The following IFNGR1 variants were observed in gnomAD, a reference collection of about 807,000 sequenced individuals.
IFNGR1 encodes the protein AVP, type 2.
Under a neutral mutation model 35.4 loss-of-function variants are expected in IFNGR1, and 23 were observed. The observed-to-expected ratio is 0.65, with a 90% CI of 0.47 to 0.92. The LOEUF is 0.92. Ranked by LOEUF, IFNGR1 falls within the 40% of genes least tolerant of loss-of-function variation. The pLI, the probability that IFNGR1 is intolerant of heterozygous loss-of-function variation, is 0.00. For synonymous variants in IFNGR1, 199 were observed against 209.5 expected, an observed-to-expected ratio of 0.95 and a Z score of 0.43; for missense variants, 533 against 583.4, an observed-to-expected ratio of 0.91 and a Z score of 0.89.
At chr6:137,212,065 G>A (rs538367942) in intron 1 of IFNGR1, among the ~76,000 whole-genome samples, 11 of 152,000 alleles carry the variant, frequency 7.2e-5, no homozygotes, top group Non-Finnish European at 1.2e-4. Context: ...ACTATAAGAC[G>A]CAAGAAGAAA....
rs1016926854 is a variant in IFNGR1, at chr6:137,204,901, A to C, written c.374-397T>G. Among the ~76,000 whole-genome samples the C allele has an allele frequency of 5.9e-5, 9 of 152,330 alleles. No individual in the cohort carries two copies. The South Asian group carries it at 1.9e-3, about 32-fold the overall frequency. On this transcript the variant is annotated intron_variant, in intron 3 of 6. Coordinates refer to ENST00000367739, the MANE Select transcript of IFNGR1 (RefSeq NM_000416.3). ...TAAAAAACGTTTCAGAAATGGCATT[A>C]GTTTTCTTCCCTCATCAAAACTCTT...
chr6:137,200,371 C>G (rs371785700), intron 6 of IFNGR1, among the ~76,000 whole-genome samples: 1 of 152,142 alleles, frequency 6.6e-6, no homozygotes, highest in Non-Finnish European at 1.5e-5. Flanking sequence ...TTTTGGCCAA[C>G]TTTCCTTTCA....
intron 6 of IFNGR1, among the ~76,000 whole-genome samples, chr6:137,199,297 A>G (rs1033667915): frequency 3.7e-5 from 5 of 135,490 alleles, no homozygotes; most frequent in African/African-American, 1.4e-4. Context: ...TATGAAAAAT[A>G]TAATTAATAT....
At chr6:137,216,095 T>A (rs1218814702) in intron 1 of IFNGR1, among the ~76,000 whole-genome samples, 1 of 152,234 alleles carries the variant, frequency 6.6e-6, no homozygotes, top group South Asian at 2.1e-4. Flanking sequence ...TTTAATACCC[T>A]ATTCAATAAA....
rs587776855 is a variant in IFNGR1 at position 137,206,962 on chromosome 6, C to T, written c.200+1G>A. 6.3e-7 allele frequency: 1 copy of T among 1,594,594 alleles called. No homozygotes were observed. The highest frequency in any genetic ancestry group is 8.6e-7 in the Non-Finnish European group (1 of 1,162,334). ...AGGATAAATAAAAGAGTGACACTCA[C>T]CCATAGTTCTTTACCTCTACGGTAA... is the stretch of plus-strand genomic sequence containing the variant. On this transcript the variant is annotated splice_donor_variant, in intron 2 of 6. Transcript: ENST00000367739. LOFTEE classifies it high-confidence loss of function.
chr6:137,213,149 G>A (rs189711421), intron 1 of IFNGR1, among the ~76,000 whole-genome samples: 35 of 152,136 alleles, frequency 2.3e-4, no homozygotes, highest in African/African-American at 8.0e-4. Context: ...ATTAATTAAG[G>A]CTTACAATTA....
intron 1 of IFNGR1, among the ~76,000 whole-genome samples, chr6:137,207,925 G>C (rs1228060497): frequency 6.6e-6 from 1 of 152,152 alleles, no homozygotes; most frequent in African/African-American, 2.4e-5. Context: ...AGAAGAAATA[G>C]GAAAATGTTT....
rs1273888178 is a variant in IFNGR1, at chr6:137,219,259, A to G, written c.69T>C (p.Asp23=). Reference sequence around the variant, plus strand: ...CGACGGTACCTGAGGACGGCCCCAGATCCGCGGTGCCCATCTCAGCCCTGC... The same window carrying G: ...CGACGGTACCTGAGGACGGCCCCAGGTCCGCGGTGCCCATCTCAGCCCTGC... The part of the protein sequence containing the change: ...GVSRAEMGTA[D]LGPSSVPTPT... The change falls in exon 1 of 7, where the codon GAT becomes GAC. Residue 23 remains aspartate, a synonymous_variant. Transcript: ENST00000367739. 1.2e-6 allele frequency: 2 copies of G among 1,611,134 alleles called. No homozygotes were observed. Among genetic ancestry groups the G allele is most frequent in the African/African-American group, 1.3e-5 (1 of 74,886 alleles).
chr6:137,215,216 A>T, intron 1 of IFNGR1: 1 of 1,531,490 alleles, frequency 6.5e-7, no homozygotes, highest in African/African-American at 1.4e-5. Flanking sequence ...TCATTAAGAA[A>T]AATGCTTCCA....
At chr6:137,202,418 G>A (rs1409014549) in intron 5 of IFNGR1, among the ~76,000 whole-genome samples, 1 of 152,164 alleles carries the variant, frequency 6.6e-6, no homozygotes. Flanking sequence ...AAAATGCATT[G>A]CACTGCTTTA....
At chr6:137,205,395 A>C (rs1424457982) in intron 3 of IFNGR1, among the ~76,000 whole-genome samples, 1 of 152,186 alleles carries the variant, frequency 6.6e-6, no homozygotes, top group Non-Finnish European at 1.5e-5. Context: ...CATAGTTGGA[A>C]TACAGGAACT....
In IFNGR1 at chr6:137,198,170, T is replaced by C. The variant is rs754177386; in HGVS notation, c.1331A>G (p.Glu444Gly). The change falls in exon 7 of 7, where the codon GAG (glutamate) becomes GGG (glycine). Residue 444 changes from glutamate to glycine, a missense_variant. By Grantham distance (98) the Glu-to-Gly change is moderately conservative (BLOSUM62 -2). Coordinates refer to ENST00000367739, the MANE Select transcript of IFNGR1 (RefSeq NM_000416.3). The stretch of plus-strand genomic sequence containing the variant: ...GGGGGCTTTTATTACGGTTATGAGC[T>C]CTTGTCCTTCTGTTTTTATTTCACC... ...NKGEIKTEGQ[E>G]LITVIKAPTS... 1.2e-6 allele frequency: 2 copies of C among 1,614,060 alleles called. No homozygotes were observed. The highest frequency in any genetic ancestry group is 1.1e-5 in the South Asian group (1 of 91,094).
intron 1 of IFNGR1, among the ~76,000 whole-genome samples, chr6:137,207,559 G>C (rs754021558): frequency 3.3e-5 from 5 of 152,092 alleles, no homozygotes; most frequent in African/African-American, 4.8e-5. Flanking sequence ...TTGAATCATG[G>C]GGGCCAGTCT....
At position 137,209,421 on chromosome 6, in the gene IFNGR1, T is replaced by C. The variant is rs149956890; in HGVS notation, c.86-2344A>G. Among the ~76,000 whole-genome samples the C allele has an allele frequency of 0.023, 3,479 of 152,242 alleles. 244 individuals carry two copies. In the South Asian group the frequency reaches 0.28, roughly 12 times the overall value. On this transcript the variant is annotated intron_variant, in intron 1 of 6. Transcript: ENST00000367739. Reference sequence around the variant, plus strand: ...AAATCTCAACTTGAATTGTATCTCTTGGAATTCCCACGTGTTATGAGAGGG... The same window carrying C: ...AAATCTCAACTTGAATTGTATCTCTCGGAATTCCCACGTGTTATGAGAGGG...
chr6:137,199,178 T>C (rs1779176674), intron 6 of IFNGR1, among the ~76,000 whole-genome samples: 1 of 150,974 alleles, frequency 6.6e-6, no homozygotes, highest in African/African-American at 2.4e-5. Context: ...GTTTGGAGCT[T>C]GGACTGGCTC....
Position 137,199,319 on chromosome 6 carries a change from TATATAATTTATAATA to T in IFNGR1, c.862-695_862-681del, listed in dbSNP as rs1316106290. On this transcript the variant is annotated intron_variant, in intron 6 of 6. Coordinates refer to ENST00000367739, the MANE Select transcript of IFNGR1 (RefSeq NM_000416.3). ...AATATAATTAATATATATTATATAA[TATATAATTTATAATA>T]TATAATATATAATTTATAATTTATA... Among the ~76,000 whole-genome samples the T allele has an allele frequency of 1.8e-3, 239 of 132,818 alleles. 2 individuals carry two copies. The highest frequency in any genetic ancestry group is 6.1e-3 in the African/African-American group (217 of 35,682). 87.1% of individuals were successfully genotyped at this position (132,818 alleles called of 152,430 possible). A position where few individuals can be genotyped will look rare whatever the true frequency, so the allele number is the denominator to read the frequency against.
chr6:137,219,217 C>T (rs956886849), intron 1 of IFNGR1, 26 bp downstream of exon 1: 3 of 1,592,864 alleles, frequency 1.9e-6, no homozygotes, highest in Admixed American at 3.5e-5. Flanking sequence ...CCGACCCGGC[C>T]GCAGCCCTGC....
chr6:137,202,995 G>A (rs1779322528), intron 5 of IFNGR1, among the ~76,000 whole-genome samples: 1 of 151,422 alleles, frequency 6.6e-6, no homozygotes, highest in Non-Finnish European at 1.5e-5. Context: ...ATTAATTATT[G>A]TAAAATGTTA....
At chr6:137,199,213 GC>G (rs1401710720) in intron 6 of IFNGR1, among the ~76,000 whole-genome samples, 1 of 148,526 alleles carries the variant, frequency 6.7e-6, no homozygotes, top group African/African-American at 2.5e-5. Context: ...CCTGCAGATG[GC>G]CTATTGTGGG....
Sources: allele counts gnomAD v4.1 joint callset (sites outside exome capture counted in the v4.1 genomes callset), GRCh38; gene constraint gnomAD v4.1.1; transcripts MANE v1.5; gene names NCBI Gene and HGNC (gene_info 2026-07-23, HGNC 2026-07-21).